BMPER: variants seen among roughly 807,000 people sequenced by gnomAD.
BMPER encodes the protein BMP-binding endothelial regulator protein.
A neutral mutation model predicts 87.3 loss-of-function variants in BMPER; 45 were observed. That is an observed-to-expected ratio of 0.52 (90% confidence interval 0.41 to 0.66). The LOEUF is 0.66. Ranked by LOEUF, BMPER falls within the 30% of genes least tolerant of loss-of-function variation. BMPER has a pLI of 0.00. For synonymous variants in BMPER, 326 were observed against 316.2 expected, an observed-to-expected ratio of 1.03 and a Z score of -0.33; for missense variants, 784 against 867.5, an observed-to-expected ratio of 0.90 and a Z score of 1.21.
intron 3 of BMPER, among the ~76,000 whole-genome samples, chr7:33,959,103 T>C (rs1013617649): frequency 3.9e-5 from 6 of 152,188 alleles, no homozygotes; most frequent in African/African-American, 1.4e-4. Context: ...GAACTGTGAG[T>C]CCATTAAACT....
intron 6 of BMPER, among the ~76,000 whole-genome samples, chr7:34,045,739 C>T (rs867991352): frequency 6.6e-6 from 1 of 152,150 alleles, no homozygotes; most frequent in South Asian, 2.1e-4. Context: ...CTACCTGGAA[C>T]CTCCTTGAGC....
intron 11 of BMPER, among the ~76,000 whole-genome samples, chr7:34,071,113 A>T (rs1261726874): frequency 6.6e-6 from 1 of 152,122 alleles, no homozygotes; most frequent in Non-Finnish European, 1.5e-5. Flanking sequence ...ACTTCATTCT[A>T]GCCCCAAATC....
intron 11 of BMPER, among the ~76,000 whole-genome samples, chr7:34,075,977 A>G (rs1461987662): frequency 1.3e-5 from 2 of 152,242 alleles, no homozygotes; most frequent in Admixed American, 6.5e-5. Flanking sequence ...AATGCAACAC[A>G]TAATTTTCAG....
chr7:34,094,814 C>A (rs1789487695), intron 13 of BMPER, among the ~76,000 whole-genome samples: 1 of 152,152 alleles, frequency 6.6e-6, no homozygotes. Context: ...TGGTACAGAG[C>A]AAATGCTCAG....
chr7:34,149,900 T>G (rs1462399385), intron 14 of BMPER, among the ~76,000 whole-genome samples: 2 of 152,004 alleles, frequency 1.3e-5, no homozygotes, highest in African/African-American at 4.8e-5. Flanking sequence ...TTCCCCAAAG[T>G]CTGGAGGTGA....
chr7:33,983,857 A>G (rs375336333), intron 6 of BMPER, among the ~76,000 whole-genome samples: 2 of 152,266 alleles, frequency 1.3e-5, no homozygotes, highest in East Asian at 1.9e-4. Context: ...AGCATTGGGG[A>G]AAAAAACCCA....
chr7:34,089,247 A>G (rs910951603), intron 13 of BMPER, among the ~76,000 whole-genome samples: 2 of 152,196 alleles, frequency 1.3e-5, no homozygotes, highest in Admixed American at 6.5e-5. Context: ...AAGTAGCATA[A>G]CACACCCAAA....
chr7:33,919,908 T>G (rs960405559), intron 2 of BMPER, among the ~76,000 whole-genome samples: 16 of 151,180 alleles, frequency 1.1e-4, no homozygotes, highest in African/African-American at 3.9e-4. Flanking sequence ...TTTATAAGGT[T>G]ATGTATCTGT....
At chr7:34,000,771 A>T (rs889120703) in intron 6 of BMPER, among the ~76,000 whole-genome samples, 1 of 152,102 alleles carries the variant, frequency 6.6e-6, no homozygotes, top group African/African-American at 2.4e-5. Flanking sequence ...TTGTCATCTT[A>T]TTGGCCAATG....
intron 6 of BMPER, among the ~76,000 whole-genome samples, chr7:34,042,291 C>A (rs1030288868): frequency 7.9e-5 from 12 of 152,118 alleles, no homozygotes; most frequent in Admixed American, 7.2e-4. Flanking sequence ...AATAAACTTA[C>A]CTTTCTAAGG....
rs1344563852 is a variant in BMPER, at chr7:33,923,588, C to A, written c.220-13701C>A. ...GTGAGCCTCAAATAGTGGGTAGCAA[C>A]CCTCCCATCCTGGGGTATCTTGGTC... On this transcript the variant is annotated intron_variant, in intron 2 of 14. Coordinates refer to ENST00000649409, the MANE Select transcript of BMPER (RefSeq NM_001365308.1). Among the ~76,000 whole-genome samples the A allele has an allele frequency of 2.6e-5, 4 of 152,274 alleles. No individual in the cohort carries two copies. The East Asian group carries it at 7.7e-4, about 29-fold the overall frequency.
intron 11 of BMPER, among the ~76,000 whole-genome samples, chr7:34,064,157 G>C (rs748372315): frequency 6.6e-6 from 1 of 152,192 alleles, no homozygotes; most frequent in Non-Finnish European, 1.5e-5. Flanking sequence ...TGGGCGTGGT[G>C]GTGTGTGCCT....
At chr7:34,108,681 G>T (rs1262079951) in intron 13 of BMPER, among the ~76,000 whole-genome samples, 1 of 152,166 alleles carries the variant, frequency 6.6e-6, no homozygotes, top group Non-Finnish European at 1.5e-5. Flanking sequence ...TTTTCTGTCT[G>T]TATGTTTTTC....
At chr7:34,094,625 G>A (rs1789481876) in intron 13 of BMPER, among the ~76,000 whole-genome samples, 1 of 152,210 alleles carries the variant, frequency 6.6e-6, no homozygotes, top group East Asian at 1.9e-4. Flanking sequence ...GACTGCCTGG[G>A]TCAACTTCTG....
intron 13 of BMPER, among the ~76,000 whole-genome samples, chr7:34,119,814 A>T (rs1309637444): frequency 6.6e-6 from 1 of 152,190 alleles, no homozygotes; most frequent in African/African-American, 2.4e-5. Flanking sequence ...GTAGTTATAT[A>T]TGGTTAAATG....
intron 13 of BMPER, among the ~76,000 whole-genome samples, chr7:34,134,077 C>T (rs2127992297): frequency 6.6e-6 from 1 of 152,212 alleles, no homozygotes; most frequent in South Asian, 2.1e-4. Context: ...GGTGGTGGCC[C>T]ATCTCGCCCT....
At chr7:34,081,482 A>G (rs1789046563) in intron 12 of BMPER, among the ~76,000 whole-genome samples, 1 of 152,266 alleles carries the variant, frequency 6.6e-6, no homozygotes. Context: ...AGGGTAACAC[A>G]GGTGGCTGTG....
chr7:34,067,134 A>G (rs145391505), intron 11 of BMPER: 13 of 152,362 alleles, frequency 8.5e-5, no homozygotes, highest in African/African-American at 3.1e-4. Flanking sequence ...AGGAAATATC[A>G]AATTTCAGCA....
intron 13 of BMPER, among the ~76,000 whole-genome samples, chr7:34,134,395 A>G (rs773891553): frequency 6.6e-6 from 1 of 152,078 alleles, no homozygotes; most frequent in Non-Finnish European, 1.5e-5. Context: ...GTCGTGACCA[A>G]GCTTCCCTCT....
Sources: gnomAD v4.1 joint callset for allele counts (sites outside exome capture counted in the v4.1 genomes callset) on GRCh38, gnomAD v4.1.1 for gene constraint, MANE v1.5 for transcripts, NCBI Gene and HGNC (gene_info 2026-07-23, HGNC 2026-07-21) for gene names.